UNC80: variants seen among roughly 807,000 people sequenced by gnomAD.
The protein encoded by UNC80 is protein unc-80 homolog.
UNC80 carries 164 observed loss-of-function variants against 384.6 expected under a neutral mutation model. The ratio of observed to expected loss-of-function variants is 0.43; its 90% CI spans 0.38 to 0.49. The LOEUF is 0.49. UNC80 is among the 20% of genes least tolerant of loss of function. The pLI, the probability that UNC80 is intolerant of heterozygous loss-of-function variation, is 0.00. For synonymous variants in UNC80, 1,486 were observed against 1,527.8 expected, an observed-to-expected ratio of 0.97 and a Z score of 0.64; for missense variants, 3,330 against 4,143.0, an observed-to-expected ratio of 0.80 and a Z score of 5.39.
intron 29 of UNC80, 107 bp from the exon 30 acceptor site, chr2:209,912,453 A>G (rs2089055399): frequency 6.8e-6 from 4 of 591,360 alleles, no homozygotes; most frequent in Non-Finnish European, 8.2e-6. Flanking sequence ...GCCTTTAATT[A>G]TCGCTTCCAC....
Position 209,957,627 on chromosome 2 carries a change from T to A in UNC80, c.7458-17T>A. 3 of 1,543,924 alleles carry A rather than the reference T, an allele frequency of 1.9e-6. No individual in the cohort carries two copies. In the South Asian group the frequency reaches 3.6e-5, roughly 18 times the overall value. ...GTTGTTGTTGTTTTGCTGTGGTGAT[T>A]ACTGTCATTGTTACAGGCCCATGAC... On this transcript the variant is annotated splice_polypyrimidine_tract_variant and intron_variant, in intron 48 of 64. Coordinates refer to ENST00000673920, the MANE Select transcript of UNC80 (RefSeq NM_001371986.1).
At chr2:209,993,278 A>G (rs1442140014) in intron 62 of UNC80, 37 bp from the exon 63 acceptor site, 2 of 1,494,540 alleles carry the variant, frequency 1.3e-6, no homozygotes, top group African/African-American at 2.8e-5. Context: ...AGGCAGTTAG[A>G]CCCTCTTGCA....
At chr2:209,826,188 T>C (rs566203106) in intron 14 of UNC80, 135 bp downstream of exon 14, 1 of 1,089,440 alleles carries the variant, frequency 9.2e-7, no homozygotes, top group South Asian at 2.0e-5. Flanking sequence ...GCTGTTTTGG[T>C]GTGAGGAGAT....
chr2:209,938,832 A>C (rs1197558028), intron 42 of UNC80, among the ~76,000 whole-genome samples: 1 of 152,054 alleles, frequency 6.6e-6, no homozygotes, highest in East Asian at 1.9e-4. Flanking sequence ...TAAGACTTCT[A>C]AGTTCCTCAG....
Position 209,996,320 on chromosome 2 carries a change from T to C in UNC80, c.*725T>C, listed in dbSNP as rs1257930496. On this transcript the variant is annotated 3_prime_UTR_variant, in exon 65 of 65. Coordinates refer to ENST00000673920, the MANE Select transcript of UNC80 (RefSeq NM_001371986.1). ...ATATTCTAGAAATCATCAGAAATAA[T>C]TCTGAATTAAGAACCTAAACAGCCT... The C allele has an allele frequency of 6.6e-6, 1 of 152,202 alleles. No individual in the cohort carries two copies. Among genetic ancestry groups the C allele is most frequent in the Non-Finnish European group, 1.5e-5 (1 of 68,026 alleles). The allele number at this position is 152,202 out of a possible 1,614,324, so 9.4% of individuals were successfully genotyped here. A position where few individuals can be genotyped will look rare whatever the true frequency, so the allele number is the denominator to read the frequency against.
At chr2:209,866,533 C>CACACAGAGAGAG (rs1307214321) in intron 22 of UNC80, among the ~76,000 whole-genome samples, 1 of 104,086 alleles carries the variant, frequency 9.6e-6, no homozygotes, top group Non-Finnish European at 2.0e-5. Flanking sequence ...CACACACACA[C>CACACAGAGAGAG]AGAGAGAGAG....
intron 23 of UNC80, among the ~76,000 whole-genome samples, chr2:209,875,454 A>C (rs903272361): frequency 6.6e-6 from 1 of 152,172 alleles, no homozygotes; most frequent in South Asian, 2.1e-4. Context: ...CAGTTCTGAC[A>C]TGAATTTTTG....
At chr2:209,969,948 C>A in intron 53 of UNC80, 57 bp downstream of exon 53, 1 of 1,537,984 alleles carries the variant, frequency 6.5e-7, no homozygotes, top group Admixed American at 2.0e-5. Flanking sequence ...CTGCTATTGA[C>A]TTCTCTGAAT....
chr2:209,818,086 T>G, intron 11 of UNC80, 134 bp downstream of exon 11: 1 of 1,138,592 alleles, frequency 8.8e-7, no homozygotes, highest in Non-Finnish European at 1.2e-6. Flanking sequence ...GCTGAATTGC[T>G]TTTGTTAGCC....
chr2:209,772,377 C>G, intron 1 of UNC80, among the ~76,000 whole-genome samples: 1 of 150,648 alleles, frequency 6.6e-6, no homozygotes, highest in Non-Finnish European at 1.5e-5. Flanking sequence ...TGACGACAAG[C>G]AGATTGGCAG....
chr2:209,776,100 C>T (rs2076846722), intron 3 of UNC80, 55 bp downstream of exon 3: 1 of 1,607,928 alleles, frequency 6.2e-7, no homozygotes, highest in African/African-American at 1.3e-5. Context: ...GTGTTCAACA[C>T]TCATCATAAT....
intron 47 of UNC80, among the ~76,000 whole-genome samples, chr2:209,953,832 C>G (rs2092298323): frequency 6.6e-6 from 1 of 152,128 alleles, no homozygotes; most frequent in Non-Finnish European, 1.5e-5. Context: ...ATTCTTTCAA[C>G]CATTTATTTG....
At chr2:209,852,932 T>G (rs1207028233) in intron 22 of UNC80, among the ~76,000 whole-genome samples, 5 of 152,084 alleles carry the variant, frequency 3.3e-5, no homozygotes, top group Non-Finnish European at 1.5e-5. Flanking sequence ...ATAATATAAA[T>G]AGATGTAAAT....
At chr2:209,829,632 C>T (rs1212222579) in intron 15 of UNC80, among the ~76,000 whole-genome samples, 1 of 152,130 alleles carries the variant, frequency 6.6e-6, no homozygotes, top group African/African-American at 2.4e-5. Context: ...GTGGAGTTCT[C>T]ACCTAGCCCT....
intron 4 of UNC80, among the ~76,000 whole-genome samples, chr2:209,778,186 T>C (rs908291548): frequency 2.0e-5 from 3 of 152,148 alleles, no homozygotes; most frequent in Admixed American, 2.0e-4. Context: ...GTGAATCACT[T>C]GAGGTCAGGA....
intron 48 of UNC80, among the ~76,000 whole-genome samples, chr2:209,954,683 AT>A (rs2092333993): frequency 6.6e-6 from 1 of 152,224 alleles, no homozygotes; most frequent in Non-Finnish European, 1.5e-5. Context: ...CCAACTAAGT[AT>A]TCTTTTATTA....
At chr2:209,964,584 C>T (rs1051743773) in intron 51 of UNC80, among the ~76,000 whole-genome samples, 2 of 151,994 alleles carry the variant, frequency 1.3e-5, no homozygotes, top group African/African-American at 4.8e-5. Flanking sequence ...GTCAAGAGAT[C>T]GAGACCATCC....
At chr2:209,834,471 A>G (rs2081207128) in intron 17 of UNC80, among the ~76,000 whole-genome samples, 1 of 152,226 alleles carries the variant, frequency 6.6e-6, no homozygotes, top group South Asian at 2.1e-4. Context: ...TCTCTTCTGT[A>G]CATAATTTAC....
At chr2:209,819,537 C>T (rs376324392) in intron 12 of UNC80, among the ~76,000 whole-genome samples, 6 of 149,990 alleles carry the variant, frequency 4.0e-5, no homozygotes, top group South Asian at 4.3e-4. Flanking sequence ...AATACACATA[C>T]GTGTGTGTTT....
Sources: gnomAD v4.1 joint callset for allele counts (sites outside exome capture counted in the v4.1 genomes callset) on GRCh38, gnomAD v4.1.1 for gene constraint, MANE v1.5 for transcripts, NCBI Gene and HGNC (gene_info 2026-07-23, HGNC 2026-07-21) for gene names.